The following INPP4A variants were observed in gnomAD, a reference collection of about 807,000 sequenced individuals.
INPP4A encodes the protein inositol polyphosphate-4-phosphatase, type I, 107kD.
Under a neutral mutation model 119.8 loss-of-function variants are expected in INPP4A, and 33 were observed. The observed-to-expected ratio is 0.28, with a 90% CI of 0.21 to 0.37. The LOEUF is 0.37. Among genes scored for constraint, INPP4A ranks in the 10% least tolerant of loss-of-function variants. The probability of loss-of-function intolerance (pLI) is 1.00; values close to 1 mark genes in which losing one functional copy is unlikely to be tolerated. For synonymous variants in INPP4A, 496 were observed against 500.7 expected, an observed-to-expected ratio of 0.99 and a Z score of 0.12; for missense variants, 956 against 1,289.9, an observed-to-expected ratio of 0.74 and a Z score of 3.97.
At chr2:98,480,937 G>T (rs574501536) in intron 1 of INPP4A, among the ~76,000 whole-genome samples, 1 of 152,350 alleles carries the variant, frequency 6.6e-6, no homozygotes. Context: ...GGAAGGAGTT[G>T]TGGTGCTGCA....
chr2:98,584,677 G>A (rs1173157325), intron 24 of INPP4A, among the ~76,000 whole-genome samples: 1 of 152,274 alleles, frequency 6.6e-6, no homozygotes, highest in African/African-American at 2.4e-5. Flanking sequence ...CTCCTCCAGG[G>A]TCTGGGTGAA....
At chr2:98,445,409 T>C (rs1335591527) in intron 1 of INPP4A, among the ~76,000 whole-genome samples, 3 of 152,286 alleles carry the variant, frequency 2.0e-5, no homozygotes. Context: ...GTCTACGGGC[T>C]CCTGAAGCTG....
At chr2:98,448,517 C>T (rs1314030918) in intron 1 of INPP4A, among the ~76,000 whole-genome samples, 1 of 151,968 alleles carries the variant, frequency 6.6e-6, no homozygotes, top group Admixed American at 6.6e-5. Context: ...CTGTAGTGTC[C>T]TTTAATCTGA....
At chr2:98,458,578 C>A (rs1459390002) in intron 1 of INPP4A, among the ~76,000 whole-genome samples, 2 of 152,036 alleles carry the variant, frequency 1.3e-5, no homozygotes, top group African/African-American at 2.4e-5. Flanking sequence ...CTTGAGGGAG[C>A]TGACCACCGA....
Sources: allele counts gnomAD v4.1 joint callset (sites outside exome capture counted in the v4.1 genomes callset), GRCh38; gene constraint gnomAD v4.1.1; transcripts MANE v1.5; gene names NCBI Gene and HGNC (gene_info 2026-07-23, HGNC 2026-07-21).